IGF2BP1: variants seen among roughly 807,000 people sequenced by gnomAD.
The protein encoded by IGF2BP1 is insulin like growth factor 2 mRNA binding protein 1.
IGF2BP1 carries 11 observed loss-of-function variants against 74.9 expected under a neutral mutation model. The ratio of observed to expected loss-of-function variants is 0.15; its 90% CI spans 0.09 to 0.24. The LOEUF (loss-of-function observed/expected upper bound fraction) is 0.24, where lower values mean the gene tolerates loss of function less well. Ranked by LOEUF, IGF2BP1 falls within the 10% of genes least tolerant of loss-of-function variation. The pLI is 1.00. For missense variants in IGF2BP1, 440 were observed against 757.4 expected, an observed-to-expected ratio of 0.58 and a Z score of 4.92; for synonymous variants, 287 against 281.8, an observed-to-expected ratio of 1.02 and a Z score of -0.18.
intron 4 of IGF2BP1, among the ~76,000 whole-genome samples, chr17:49,027,973 G>C (rs1257778721): frequency 2.0e-5 from 3 of 150,976 alleles, no homozygotes; most frequent in African/African-American, 7.3e-5. Context: ...AGAGTTTTGA[G>C]ACCAGCCTGG....
At position 48,997,711 on chromosome 17, in the gene IGF2BP1, T is replaced by G; in HGVS notation, c.-35T>G. 3 of 1,601,426 alleles carry G rather than the reference T, an allele frequency of 1.9e-6. No individual in the cohort carries two copies. The highest frequency in any genetic ancestry group is 1.7e-6 in the Non-Finnish European group (2 of 1,173,074). On this transcript the variant is annotated 5_prime_UTR_variant, in exon 1 of 15. Coordinates refer to ENST00000290341, the MANE Select transcript of IGF2BP1 (RefSeq NM_006546.4). The surrounding 1 kb of genome is among the most constrained non-coding windows in gnomAD (Gnocchi z 4.8). ...CCGCCCGCGCCCGCTCGTTCGGCCTTGCCCGGGACCGCGTCCTGCCCCGAG... is the reference window on the plus strand; with the variant it reads ...CCGCCCGCGCCCGCTCGTTCGGCCTGGCCCGGGACCGCGTCCTGCCCCGAG...
At chr17:48,997,082 A>C (rs1001939346), upstream of IGF2BP1, among the ~76,000 whole-genome samples, 57 of 148,766 alleles carry the variant, frequency 3.8e-4, no homozygotes, top group Admixed American at 3.7e-3. This position sits in a 1 kb window ranked among gnomAD's most constrained non-coding sequence, Gnocchi z 4.8. Context: ...CCTTTAAGAC[A>C]TGTGAGATCT....
rs1028100721 is a variant in IGF2BP1, at chr17:49,051,152, T to G, written c.*1708T>G. On this transcript the variant is annotated 3_prime_UTR_variant, in exon 15 of 15. Transcript: ENST00000290341. ...CCAACCCCATTAAAAAAATTTTTTT[T>G]TGATTTTTGTTTTTTTGCAGCTTGC... is the stretch of plus-strand genomic sequence containing the variant. 6.6e-6 allele frequency: 1 copy of G among 152,654 alleles called. No homozygotes were observed. Among genetic ancestry groups the G allele is most frequent in the African/African-American group, 2.4e-5 (1 of 41,464 alleles). The allele number at this position is 152,654 out of a possible 1,614,324, so 9.5% of individuals were successfully genotyped here. A position where few individuals can be genotyped will look rare whatever the true frequency, so the allele number is the denominator to read the frequency against.
chr17:49,027,713 G>A (rs1014845909), intron 4 of IGF2BP1, among the ~76,000 whole-genome samples: 2 of 151,814 alleles, frequency 1.3e-5, no homozygotes, highest in African/African-American at 2.4e-5. Context: ...TTAGCCGGGC[G>A]TGGTGGCGGG....
rs1171976743 is a variant in IGF2BP1, at chr17:48,997,956, G to T, written c.175+36G>T. ...AGCCACCTCCCGGAAAAGCCACAACGAGAGCCCCGAACAACGGAGACCCGC... is the reference window on the plus strand; with the variant it reads ...AGCCACCTCCCGGAAAAGCCACAACTAGAGCCCCGAACAACGGAGACCCGC... On this transcript the variant is annotated intron_variant, in intron 1 of 14. Transcript: ENST00000290341. This position sits in a 1 kb window ranked among gnomAD's most constrained non-coding sequence, Gnocchi z 4.8. The T allele has an allele frequency of 6.2e-7, 1 of 1,603,040 alleles. No individual in the cohort carries two copies. The highest frequency in any genetic ancestry group is 8.5e-7 in the Non-Finnish European group (1 of 1,173,818).
chr17:49,045,954 A>G lies in IGF2BP1; in HGVS notation c.1460A>G (p.Lys487Arg). The change falls in exon 13 of 15, where the codon AAG becomes AGG. Residue 487 changes from lysine to arginine, a missense_variant. By Grantham distance (26) the Lys-to-Arg change is conservative (BLOSUM62 2). This residue lies in a region of IGF2BP1 where 117 missense variants were observed against 237.2 expected (regional missense o/e 0.49). Transcript: ENST00000290341. ...TTCTTTGGTCCCAAGGAGGAAGTGA[A>G]GCTGGAGACCCACATACGTGTGCCA... ...ENFFGPKEEV[K>R]LETHIRVPAS... is the part of the protein sequence containing the mutation. 1 of 1,614,166 alleles carries G rather than the reference A, an allele frequency of 6.2e-7. No individual in the cohort carries two copies. Among genetic ancestry groups the G allele is most frequent in the Non-Finnish European group, 8.5e-7 (1 of 1,180,018 alleles).
At chr17:49,013,005 C>T (rs994307552) in intron 2 of IGF2BP1, 1 of 152,152 alleles carries the variant, frequency 6.6e-6, no homozygotes, top group Non-Finnish European at 1.5e-5. Flanking sequence ...TCACCTTGAC[C>T]TCTCTGAGCC....
chr17:49,038,710 A>T (rs2042015551), intron 6 of IGF2BP1, among the ~76,000 whole-genome samples: 1 of 151,940 alleles, frequency 6.6e-6, no homozygotes, highest in Admixed American at 6.6e-5. Context: ...GAAGTTTCAT[A>T]AAAAAAGTCT....
chr17:48,999,367 T>A (rs920272028), intron 2 of IGF2BP1, among the ~76,000 whole-genome samples, 198 bp downstream of exon 2: 7 of 135,524 alleles, frequency 5.2e-5, no homozygotes, highest in Non-Finnish European at 8.0e-5. Context: ...AAAAAAAAAA[T>A]AAATAAGTTG....
intron 6 of IGF2BP1, among the ~76,000 whole-genome samples, chr17:49,038,904 G>A (rs577566383): frequency 1.6e-3 from 221 of 134,308 alleles, no homozygotes; most frequent in Admixed American, 3.9e-3. Flanking sequence ...TTGAGACAGA[G>A]TTTTGCTCTG....
At chr17:49,036,942 A>C (rs2041996646) in intron 5 of IGF2BP1, 1 of 178,126 alleles carries the variant, frequency 5.6e-6, no homozygotes, top group East Asian at 1.8e-4. Flanking sequence ...GTCTCAAGAA[A>C]AAAACAAAAC....
At chr17:49,020,873 T>TA (rs1438454744) in intron 2 of IGF2BP1, among the ~76,000 whole-genome samples, 3 of 151,674 alleles carry the variant, frequency 2.0e-5, no homozygotes, top group Non-Finnish European at 4.4e-5. Context: ...CTCACATCTA[T>TA]ACAGCACTTT....
intron 14 of IGF2BP1, among the ~76,000 whole-genome samples, chr17:49,048,614 A>T (rs2042132074): frequency 6.6e-6 from 1 of 151,952 alleles, no homozygotes; most frequent in South Asian, 2.1e-4. Context: ...ATTTGTGATG[A>T]TGTCTTCTAA....
intron 5 of IGF2BP1, among the ~76,000 whole-genome samples, chr17:49,033,017 A>G (rs1013443348): frequency 1.3e-5 from 2 of 152,062 alleles, no homozygotes; most frequent in Non-Finnish European, 2.9e-5. Context: ...AGGTTTCACC[A>G]TGTTGCCCAA....
chr17:49,016,479 G>C (rs1206306743), intron 2 of IGF2BP1, among the ~76,000 whole-genome samples: 1 of 152,132 alleles, frequency 6.6e-6, no homozygotes, highest in African/African-American at 2.4e-5. Flanking sequence ...CCTAAATATG[G>C]GTAGAAGAGC....
intron 3 of IGF2BP1, 152 bp from the exon 4 acceptor site, chr17:49,026,314 C>T: frequency 1.5e-6 from 1 of 659,698 alleles, no homozygotes; most frequent in South Asian, 1.9e-5. Context: ...CATTAGCACC[C>T]TAGAAAGGTC....
At chr17:49,024,063 C>T (rs1023165637) in intron 2 of IGF2BP1, among the ~76,000 whole-genome samples, 6 of 147,594 alleles carry the variant, frequency 4.1e-5, no homozygotes, top group African/African-American at 1.3e-4. Flanking sequence ...ATTACAGGCA[C>T]GTGCCACCAC....
At chr17:49,019,969 CACACACATACACCCACACATATATAT>C (rs1356927279) in intron 2 of IGF2BP1, among the ~76,000 whole-genome samples, 1,920 of 92,496 alleles carry the variant, frequency 0.021, 59 homozygotes, top group Non-Finnish European at 0.03. Context: ...CACACACACA[CACACACATACACCCACACATATATAT>C]ACACACACAC....
rs994034144 is a variant in IGF2BP1 at position 49,031,176 on chromosome 17, T to G, written c.338-734T>G. On this transcript the variant is annotated intron_variant, in intron 4 of 14. Transcript: ENST00000290341. ...CTCTATCACCCCGGCTGGAGTGCGT[T>G]GGCTCGTTGCAACCTCCGCCTCCCA... 2.0e-5 allele frequency among the ~76,000 whole-genome samples: 3 copies of G among 152,168 alleles called. No individual in the cohort carries two copies. In the East Asian group the frequency reaches 5.8e-4, roughly 29 times the overall value.
Sources: gnomAD v4.1 joint callset for allele counts (sites outside exome capture counted in the v4.1 genomes callset) on GRCh38, gnomAD v4.1.1 for gene constraint, gnomAD v4.1.1 regional missense constraint, Gnocchi (gnomAD v3.1) non-coding constraint, MANE v1.5 for transcripts, NCBI Gene and HGNC (gene_info 2026-07-23, HGNC 2026-07-21) for gene names.